ADGRL2: variants seen among roughly 807,000 people sequenced by gnomAD.
The protein encoded by ADGRL2 is calcium-independent alpha-latrotoxin receptor 2.
In ADGRL2, 44 loss-of-function variants were observed where a neutral mutation model predicts 157.4. The ratio of observed to expected loss-of-function variants is 0.28; its 90% CI spans 0.22 to 0.36. The LOEUF (loss-of-function observed/expected upper bound fraction) is 0.36. ADGRL2 is among the 10% of genes least tolerant of loss of function. ADGRL2 has a pLI of 1.00. For synonymous variants in ADGRL2, 585 were observed against 624.7 expected (o/e 0.94, Z 0.95); for missense variants, 1,510 against 1,768.9 (o/e 0.85, Z 2.63).
At chr1:81,840,516 C>T (rs990003874) in intron 2 of ADGRL2, among the ~76,000 whole-genome samples, 1 of 152,216 alleles carries the variant, frequency 6.6e-6, no homozygotes, top group Non-Finnish European at 1.5e-5. Flanking sequence ...TTTGTGTACA[C>T]ATACAGGGGC....
intron 2 of ADGRL2, among the ~76,000 whole-genome samples, chr1:81,883,249 A>G (rs1557839747): frequency 1.3e-5 from 2 of 152,226 alleles, no homozygotes; most frequent in Admixed American, 6.5e-5. Flanking sequence ...TTAAAAAATT[A>G]TAACATTCTA....
At chr1:81,825,594 C>T (rs1278172545) in intron 1 of ADGRL2, among the ~76,000 whole-genome samples, 2 of 143,658 alleles carry the variant, frequency 1.4e-5, no homozygotes, top group African/African-American at 5.2e-5. Context: ...ATCTGCCCAT[C>T]TTGGCCTCCC....
intron 1 of ADGRL2, among the ~76,000 whole-genome samples, chr1:81,743,139 CAG>C (rs2085126149): frequency 6.6e-6 from 1 of 151,804 alleles, no homozygotes. Context: ...TAAAAGGAAA[CAG>C]AAAGTTTGAA....
intron 2 of ADGRL2, among the ~76,000 whole-genome samples, chr1:81,762,692 T>A (rs2085925948): frequency 6.6e-6 from 1 of 152,066 alleles, no homozygotes; most frequent in Non-Finnish European, 1.5e-5. Flanking sequence ...ATACATTACA[T>A]GTTGTGTGCA....
intron 2 of ADGRL2, among the ~76,000 whole-genome samples, chr1:81,545,681 C>T (rs944097724): frequency 3.3e-5 from 5 of 152,050 alleles, no homozygotes; most frequent in African/African-American, 1.2e-4. Flanking sequence ...CAGTTGTTAT[C>T]CCCATTATAT....
Position 81,458,368 on chromosome 1 carries a change from G to A in ADGRL2, c.-248+13279G>A, listed in dbSNP as rs72940971. On this transcript the variant is annotated intron_variant, in intron 2 of 24. Coordinates refer to the ADGRL2 transcript ENST00000370721. ...TTGCATCACTGAAACTCTATATGTT[G>A]ATGAGCAACTGTTGTGGCTTTTGAA... is the stretch of plus-strand genomic sequence containing the variant. Among the ~76,000 whole-genome samples the A allele has an allele frequency of 4.1e-3, 621 of 152,324 alleles. 4 individuals are homozygous for A. The highest frequency in any genetic ancestry group is 0.014 in the African/African-American group (582 of 41,562).
At chr1:81,428,079 A>T (rs571526835) in intron 1 of ADGRL2, among the ~76,000 whole-genome samples, 1 of 152,300 alleles carries the variant, frequency 6.6e-6, no homozygotes, top group South Asian at 2.1e-4. Flanking sequence ...AGTTAACAAG[A>T]TCATTGTTAA....
intron 1 of ADGRL2, among the ~76,000 whole-genome samples, chr1:81,358,310 G>A (rs553680264): frequency 7.9e-5 from 12 of 152,268 alleles, no homozygotes; most frequent in African/African-American, 2.9e-4. Flanking sequence ...GTGCAGTGAA[G>A]GAAAGTGGTG....
chr1:81,560,898 CCATTCCAGT>C (rs764454252), intron 2 of ADGRL2, among the ~76,000 whole-genome samples: 2 of 152,178 alleles, frequency 1.3e-5, no homozygotes, highest in African/African-American at 2.4e-5. Context: ...TTTGCTTCCT[CCATTCCAGT>C]CATTTTTGCC....
chr1:81,743,539 A>T (rs1201351719), intron 1 of ADGRL2, among the ~76,000 whole-genome samples: 6 of 152,020 alleles, frequency 3.9e-5, no homozygotes, highest in Non-Finnish European at 7.4e-5. Flanking sequence ...TACCTTAGGA[A>T]TTATTATTAG....
intron 1 of ADGRL2, among the ~76,000 whole-genome samples, chr1:81,368,830 A>G (rs1446792568): frequency 6.6e-6 from 1 of 152,150 alleles, no homozygotes; most frequent in Non-Finnish European, 1.5e-5. Flanking sequence ...TTCCTGAGGC[A>G]TGAATGTGTT....
At chr1:81,599,951 C>T (rs1342160243) in intron 3 of ADGRL2, among the ~76,000 whole-genome samples, 2 of 152,194 alleles carry the variant, frequency 1.3e-5, no homozygotes, top group Non-Finnish European at 1.5e-5. Context: ...ATGTGTAGCC[C>T]ATGCATTATT....
chr1:81,670,671 C>G (rs2082856603), intron 3 of ADGRL2, among the ~76,000 whole-genome samples: 1 of 152,182 alleles, frequency 6.6e-6, no homozygotes, highest in South Asian at 2.1e-4. Flanking sequence ...AAATTTTTTT[C>G]CAAACATTCG....
At chr1:81,879,529 A>C (rs954858386) in intron 2 of ADGRL2, among the ~76,000 whole-genome samples, 20 of 151,794 alleles carry the variant, frequency 1.3e-4, no homozygotes, top group African/African-American at 4.8e-4. Flanking sequence ...AAAAAAAAAA[A>C]CAACTTAAAA....
At chr1:81,374,684 T>C (rs1406967956) in intron 1 of ADGRL2, among the ~76,000 whole-genome samples, 1 of 152,142 alleles carries the variant, frequency 6.6e-6, no homozygotes, top group Non-Finnish European at 1.5e-5. Flanking sequence ...TTCAAGTGTG[T>C]GCACTTCCTG....
rs367554298 is a variant in ADGRL2, at chr1:81,974,271, A to G, written c.3021+2353A>G. 7.2e-5 allele frequency among the ~76,000 whole-genome samples: 11 copies of G among 152,346 alleles called. No individual in the cohort carries two copies. The South Asian group carries it at 1.0e-3, about 14-fold the overall frequency. On this transcript the variant is annotated intron_variant, in intron 17 of 23. Transcript: ENST00000686636. ...ACTAGAGTTATTATATCTATGAGAA[A>G]AGTGCTGGTAAGTAATGAGCAGTGG...
At chr1:81,968,565 C>T (rs1027416105) in intron 14 of ADGRL2, among the ~76,000 whole-genome samples, 2 of 152,206 alleles carry the variant, frequency 1.3e-5, no homozygotes, top group Admixed American at 6.5e-5. Flanking sequence ...ACAACTTTCC[C>T]TTTAAGTTTC....
chr1:81,620,982 G>A (rs956121413), intron 3 of ADGRL2, among the ~76,000 whole-genome samples: 1 of 152,182 alleles, frequency 6.6e-6, no homozygotes, highest in African/African-American at 2.4e-5. Flanking sequence ...AAATGCCAAG[G>A]TTGTACTCCA....
chr1:81,774,775 A>G (rs1294498154), intron 2 of ADGRL2, among the ~76,000 whole-genome samples: 1 of 152,060 alleles, frequency 6.6e-6, no homozygotes, highest in Non-Finnish European at 1.5e-5. Context: ...TACATATTTC[A>G]ATAATTTTCT....
Sources: allele counts gnomAD v4.1 joint callset (sites outside exome capture counted in the v4.1 genomes callset), GRCh38; gene constraint gnomAD v4.1.1; transcripts MANE v1.5; gene names NCBI Gene and HGNC (gene_info 2026-07-23, HGNC 2026-07-21).